Variants in LMX1A observed in about 807,000 individuals in gnomAD.
LMX1A encodes LIM homeobox transcription factor 1-alpha.
Under a neutral mutation model 49.1 loss-of-function variants are expected in LMX1A, and 15 were observed. The ratio of observed to expected loss-of-function variants is 0.31; its 90% CI spans 0.20 to 0.47. The LOEUF (loss-of-function observed/expected upper bound fraction) is 0.47, where lower values mean the gene tolerates loss of function less well. Ranked by LOEUF, LMX1A falls within the 20% of genes least tolerant of loss-of-function variation. The probability of loss-of-function intolerance (pLI) is 1.00; values close to 1 mark genes in which losing one functional copy is unlikely to be tolerated. For missense variants in LMX1A, 372 were observed against 475.8 expected, an observed-to-expected ratio of 0.78 and a Z score of 2.03; for synonymous variants, 167 against 185.7, an observed-to-expected ratio of 0.90 and a Z score of 0.82.
chr1:165,251,177 G>T (rs538477749), intron 3 of LMX1A, among the ~76,000 whole-genome samples: 3 of 151,988 alleles, frequency 2.0e-5, no homozygotes, highest in Non-Finnish European at 4.4e-5. Context: ...CTGCCTCTTG[G>T]GTTCAAGCGA....
At chr1:165,350,260 A>T (rs1353385587) in intron 3 of LMX1A, among the ~76,000 whole-genome samples, 1 of 151,604 alleles carries the variant, frequency 6.6e-6, no homozygotes, top group African/African-American at 2.4e-5. Flanking sequence ...TTGCTTCAGG[A>T]CTATTGTCTA....
chr1:165,314,800 T>G (rs901763455), intron 3 of LMX1A, among the ~76,000 whole-genome samples: 9 of 152,156 alleles, frequency 5.9e-5, no homozygotes, highest in African/African-American at 2.2e-4. Context: ...TTGTCTTTAC[T>G]CATACTAAGC....
At chr1:165,315,738 C>T (rs534114489) in intron 3 of LMX1A, among the ~76,000 whole-genome samples, 32 of 152,238 alleles carry the variant, frequency 2.1e-4, no homozygotes, top group African/African-American at 6.3e-4. Context: ...AGGCACCATG[C>T]GGTTTCAGAG....
chr1:165,323,130 T>C (rs1034822705), intron 3 of LMX1A, among the ~76,000 whole-genome samples: 1 of 152,190 alleles, frequency 6.6e-6, no homozygotes, highest in African/African-American at 2.4e-5. Flanking sequence ...GCAAGTCAAC[T>C]TTTCCAAGCC....
At chr1:165,346,264 C>T (rs1346480710) in intron 3 of LMX1A, among the ~76,000 whole-genome samples, 2 of 152,086 alleles carry the variant, frequency 1.3e-5, no homozygotes, top group Non-Finnish European at 1.5e-5. Flanking sequence ...ACGTTGGAGG[C>T]CCAGAGAGTC....
At position 165,355,228 on chromosome 1, in the gene LMX1A, A is replaced by T. The variant is rs535228850; in HGVS notation, c.76+256T>A. Among the ~76,000 whole-genome samples the T allele has an allele frequency of 6.6e-6, 1 of 152,242 alleles. No homozygotes were observed. Among genetic ancestry groups the T allele is most frequent in the South Asian group, 2.1e-4 (1 of 4,824 alleles). On this transcript the variant is annotated intron_variant, in intron 2 of 8. Coordinates refer to ENST00000342310, the MANE Select transcript of LMX1A (RefSeq NM_177398.4). The surrounding 1 kb of genome is among the most constrained non-coding windows in gnomAD (Gnocchi z 4.7). ...TTAATCACTTGCCACTCAGACGCCT[A>T]CGAACAAGCTCGCCCGCCCCTCGCG...
chr1:165,302,222 T>A (rs1654802884), intron 3 of LMX1A, among the ~76,000 whole-genome samples: 3 of 151,560 alleles, frequency 2.0e-5, no homozygotes, highest in Non-Finnish European at 4.4e-5. Flanking sequence ...GCGGGGTGGA[T>A]CACCTGAGGT....
chr1:165,354,157 T>TCCCCCAGCAACAACACTCTTGCCCTTGTC (rs2101776310), intron 2 of LMX1A, among the ~76,000 whole-genome samples: 1 of 152,134 alleles, frequency 6.6e-6, no homozygotes, highest in African/African-American at 2.4e-5. Context: ...GAAGGCCTTG[T>TCCCCCAGCAACAACACTCTTGCCCTTGTC]CCCCCAGCAA....
At chr1:165,206,061 A>G (rs1651066625) in intron 7 of LMX1A, 27 bp from the exon 8 acceptor site, 1 of 1,509,010 alleles carries the variant, frequency 6.6e-7, no homozygotes, top group Middle Eastern at 1.8e-4. Flanking sequence ...AAGCCAGGTC[A>G]TTCTCAACGT....
At position 165,318,597 on chromosome 1, in the gene LMX1A, A is replaced by C. The variant is rs74118585; in HGVS notation, c.263+34479T>G. On this transcript the variant is annotated intron_variant, in intron 3 of 8. Transcript: ENST00000342310. Reference sequence around the variant, plus strand: ...ACAATTTTACTGTTAAGAGCTGCCCATTTGACTCAATGAGATGTAAGTGGA... The same window carrying C: ...ACAATTTTACTGTTAAGAGCTGCCCCTTTGACTCAATGAGATGTAAGTGGA... Among the ~76,000 whole-genome samples, 340 of 152,214 alleles carry C rather than the reference A, an allele frequency of 2.2e-3. 1 individual carries two copies. Among genetic ancestry groups the C allele is most frequent in the African/African-American group, 7.8e-3 (324 of 41,528 alleles).
At chr1:165,329,647 TAC>T (rs1655688532) in intron 3 of LMX1A, among the ~76,000 whole-genome samples, 1 of 145,332 alleles carries the variant, frequency 6.9e-6, no homozygotes, top group African/African-American at 2.5e-5. Flanking sequence ...AAAAAAACCT[TAC>T]AGTGATATGG....
At chr1:165,306,659 A>G (rs911769121) in intron 3 of LMX1A, among the ~76,000 whole-genome samples, 16 of 152,246 alleles carry the variant, frequency 1.1e-4, no homozygotes, top group African/African-American at 3.9e-4. Flanking sequence ...ATTTTCCTGT[A>G]TAACACAGTG....
intron 4 of LMX1A, among the ~76,000 whole-genome samples, chr1:165,223,330 TC>T (rs1163735010): frequency 6.6e-6 from 1 of 152,142 alleles, no homozygotes; most frequent in East Asian, 1.9e-4. Flanking sequence ...TTACCACATA[TC>T]CCCACTGGCT....
intron 3 of LMX1A, among the ~76,000 whole-genome samples, chr1:165,261,507 T>A (rs1429283489): frequency 6.6e-6 from 1 of 152,194 alleles, no homozygotes; most frequent in African/African-American, 2.4e-5. Context: ...AAAATAGAAT[T>A]ACCATGTGAT....
intron 3 of LMX1A, among the ~76,000 whole-genome samples, chr1:165,311,560 G>C (rs2101734167): frequency 6.6e-6 from 1 of 152,296 alleles, no homozygotes; most frequent in East Asian, 1.9e-4. Flanking sequence ...GGACATGCCT[G>C]AAGATAGGCA....
chr1:165,263,441 T>C (rs1653509714), intron 3 of LMX1A, among the ~76,000 whole-genome samples: 1 of 152,240 alleles, frequency 6.6e-6, no homozygotes, highest in African/African-American at 2.4e-5. Context: ...GGACTCACTT[T>C]TGACTTCTTT....
chr1:165,354,387 G>C (rs1046924423), intron 2 of LMX1A, among the ~76,000 whole-genome samples: 9 of 152,154 alleles, frequency 5.9e-5, no homozygotes, highest in Non-Finnish European at 8.8e-5. Context: ...CCTGGGCCAC[G>C]TTGAGAGCGA....
At chr1:165,238,121 C>A (rs994031995) in intron 4 of LMX1A, among the ~76,000 whole-genome samples, 12 of 152,206 alleles carry the variant, frequency 7.9e-5, no homozygotes, top group Non-Finnish European at 1.8e-4. Context: ...ACATTGTCAT[C>A]ATTGCCACTG....
rs112835054 is a variant in LMX1A, at chr1:165,338,089, C to A, written c.263+14987G>T. 6.6e-5 allele frequency among the ~76,000 whole-genome samples: 10 copies of A among 152,238 alleles called. 1 individual carries two copies. Among genetic ancestry groups the A allele is most frequent in the African/African-American group, 2.2e-4 (9 of 41,530 alleles). Reference sequence around the variant, plus strand: ...AATCCTAAGAACGAATAAGTACTATCTGGACAGATGCCACACTAATTGGAA... The same window carrying A: ...AATCCTAAGAACGAATAAGTACTATATGGACAGATGCCACACTAATTGGAA... On this transcript the variant is annotated intron_variant, in intron 3 of 8. Coordinates refer to ENST00000342310, the MANE Select transcript of LMX1A (RefSeq NM_177398.4).
Sources: allele counts gnomAD v4.1 joint callset (sites outside exome capture counted in the v4.1 genomes callset), GRCh38; gene constraint gnomAD v4.1.1; non-coding constraint Gnocchi (gnomAD v3.1); transcripts MANE v1.5; gene names NCBI Gene and HGNC (gene_info 2026-07-23, HGNC 2026-07-21).